The following TLE4 variants were observed in gnomAD, a reference collection of about 807,000 sequenced individuals.
TLE4 encodes the protein transducin-like enhancer protein 4.
In TLE4, 8 loss-of-function variants were observed where a neutral mutation model predicts 92.8. The observed-to-expected ratio is 0.09, with a 90% CI of 0.05 to 0.16. TLE4 has a LOEUF of 0.16. TLE4 is among the 10% of genes least tolerant of loss of function. The pLI is 1.00. For synonymous variants in TLE4, 371 were observed against 374.1 expected, an observed-to-expected ratio of 0.99 and a Z score of 0.10; for missense variants, 675 against 997.6, an observed-to-expected ratio of 0.68 and a Z score of 4.36.
intron 4 of TLE4, among the ~76,000 whole-genome samples, chr9:79,606,398 T>C (rs184527958): frequency 1.3e-5 from 2 of 150,466 alleles, no homozygotes; most frequent in African/African-American, 4.9e-5. Context: ...TTAAATACTT[T>C]TTAAGTTCTA....
At chr9:79,716,780 A>G (rs1014554342) in intron 14 of TLE4, among the ~76,000 whole-genome samples, 3 of 152,162 alleles carry the variant, frequency 2.0e-5, no homozygotes, top group African/African-American at 7.2e-5. Flanking sequence ...TGCACTGACC[A>G]TCTGACATTT....
chr9:79,679,329 G>A (rs2063940750), intron 8 of TLE4, among the ~76,000 whole-genome samples: 2 of 151,932 alleles, frequency 1.3e-5, no homozygotes, highest in African/African-American at 4.8e-5. Flanking sequence ...GTGTGAGATG[G>A]TATCTCATTG....
At chr9:79,686,513 C>T (rs1216342234) in intron 8 of TLE4, among the ~76,000 whole-genome samples, 3 of 152,092 alleles carry the variant, frequency 2.0e-5, no homozygotes, top group African/African-American at 7.2e-5. Flanking sequence ...ATCAAGTTGG[C>T]CCTGCATCCA....
chr9:79,664,266 C>T (rs1036030153), intron 8 of TLE4, among the ~76,000 whole-genome samples: 4 of 152,152 alleles, frequency 2.6e-5, no homozygotes, highest in African/African-American at 7.2e-5. Context: ...CTTTCTGGTG[C>T]ATGGGGAAAT....
chr9:79,686,950 C>T (rs992672195), intron 8 of TLE4, among the ~76,000 whole-genome samples: 10 of 152,186 alleles, frequency 6.6e-5, no homozygotes, highest in African/African-American at 2.4e-4. Flanking sequence ...CAGAACTGTA[C>T]ATGTTAAAAG....
At chr9:79,719,123 G>A (rs766396847) in intron 15 of TLE4, 152 bp downstream of exon 15, 32 of 1,208,554 alleles carry the variant, frequency 2.6e-5, no homozygotes, top group Non-Finnish European at 3.6e-5. Flanking sequence ...TTGGAGGTGT[G>A]TCTTTTGCTT....
rs1039895579 is a variant in TLE4 at position 79,725,276 on chromosome 9, C to T, written c.*132C>T. On this transcript the variant is annotated 3_prime_UTR_variant, in exon 20 of 20. Coordinates refer to ENST00000376552, the MANE Select transcript of TLE4 (RefSeq NM_007005.6). ...TCATTGCAGTTGTGGAGTTTAATCC[C>T]CTTTCTTAACCTCACTTCCCACTTG... is the stretch of plus-strand genomic sequence containing the variant. 4 of 599,520 alleles carry T rather than the reference C, an allele frequency of 6.7e-6. No individual in the cohort carries two copies. The highest frequency in any genetic ancestry group is 5.6e-5 in the African/African-American group (3 of 53,628). The allele number at this position is 599,520 out of a possible 1,614,324, so 37.1% of individuals were successfully genotyped here.
intron 17 of TLE4, 34 bp downstream of exon 17, chr9:79,721,922 G>A (rs764727375): frequency 2.6e-5 from 42 of 1,594,024 alleles, no homozygotes; most frequent in Middle Eastern, 1.7e-4. Context: ...TTAAAGATAC[G>A]GTTTTAGGCT....
intron 6 of TLE4, 113 bp from the exon 7 acceptor site, chr9:79,652,480 C>A (rs1241808633): frequency 1.7e-6 from 2 of 1,210,204 alleles, no homozygotes; most frequent in Non-Finnish European, 2.4e-6. Context: ...AGCCACCGTG[C>A]CCAGCCGGTG....
At chr9:79,649,100 G>A (rs1279936050) in intron 6 of TLE4, among the ~76,000 whole-genome samples, 1 of 152,168 alleles carries the variant, frequency 6.6e-6, no homozygotes. Flanking sequence ...GCTCAGTCAC[G>A]TGTGAGTGGT....
intron 8 of TLE4, among the ~76,000 whole-genome samples, chr9:79,662,210 A>G (rs2060629537): frequency 6.6e-6 from 1 of 152,214 alleles, no homozygotes. Flanking sequence ...ATTCTTTTTC[A>G]TGGAAATGGA....
At chr9:79,696,529 C>T (rs72734333) in intron 8 of TLE4, among the ~76,000 whole-genome samples, 26,919 of 151,624 alleles carry the variant, frequency 0.18, 2,643 homozygotes, top group African/African-American at 0.26. Context: ...GTTGTATTAC[C>T]CTCAGACATT....
At chr9:79,691,060 A>C (rs1056178477) in intron 8 of TLE4, among the ~76,000 whole-genome samples, 1 of 152,112 alleles carries the variant, frequency 6.6e-6, no homozygotes, top group African/African-American at 2.4e-5. Flanking sequence ...ATTTGTGTGA[A>C]GTGAGTCACT....
In TLE4 at chr9:79,649,923, GTTTTTTT is replaced by G. The variant is rs368464088; in HGVS notation, c.391-2666_391-2660del. 14 of 1,199,388 alleles carry G rather than the reference GTTTTTTT, an allele frequency of 1.2e-5. No individual in the cohort carries two copies. In the East Asian group the frequency reaches 5.7e-4, roughly 49 times the overall value. The allele number at this position is 1,199,388 out of a possible 1,614,324, so 74.3% of individuals were successfully genotyped here. Reference sequence around the variant, plus strand: ...GTTGTTTTTTTGTTTTTTGTTTTTTGTTTTTTTTTTGAGACAGGGTTTCACTCTGTCA... The same window carrying G: ...GTTGTTTTTTTGTTTTTTGTTTTTTGTTTGAGACAGGGTTTCACTCTGTCA... On this transcript the variant is annotated intron_variant, in intron 6 of 19. Coordinates refer to ENST00000376552, the MANE Select transcript of TLE4 (RefSeq NM_007005.6).
rs181394169 is a variant in TLE4 at position 79,613,015 on chromosome 9, T to C, written c.315+297T>C. 2.3e-3 allele frequency among the ~76,000 whole-genome samples: 357 copies of C among 152,248 alleles called. 1 individual carries two copies. Among genetic ancestry groups the C allele is most frequent in the African/African-American group, 8.3e-3 (346 of 41,564 alleles). On this transcript the variant is annotated intron_variant, in intron 5 of 19. Coordinates refer to ENST00000376552, the MANE Select transcript of TLE4 (RefSeq NM_007005.6). ...TCAGAATTATGCTTGTTTGTCATAA[T>C]GGTACCTAATAGGGTAGACTGAAAA...
intron 6 of TLE4, among the ~76,000 whole-genome samples, chr9:79,651,908 A>G (rs955390647): frequency 6.6e-6 from 1 of 152,102 alleles, no homozygotes; most frequent in African/African-American, 2.4e-5. Flanking sequence ...ACTCACGTAT[A>G]TGTTTTGATT....
chr9:79,576,506 G>A (rs2037822381), intron 4 of TLE4: 1 of 180,102 alleles, frequency 5.6e-6, no homozygotes, highest in East Asian at 1.3e-4. Context: ...TTGCAAACTT[G>A]TCTTGTGAAA....
intron 5 of TLE4, among the ~76,000 whole-genome samples, chr9:79,619,251 T>C (rs538622914): frequency 6.6e-6 from 1 of 152,352 alleles, no homozygotes; most frequent in South Asian, 2.1e-4. Flanking sequence ...ATTTGGTCCA[T>C]GTAATTTGAT....
chr9:79,613,806 T>C (rs1394636253), intron 5 of TLE4, among the ~76,000 whole-genome samples: 1 of 152,152 alleles, frequency 6.6e-6, no homozygotes, highest in Non-Finnish European at 1.5e-5. Flanking sequence ...ATGATTTTTT[T>C]CTTTGGTCTG....
Sources: gnomAD v4.1 joint callset for allele counts (sites outside exome capture counted in the v4.1 genomes callset) on GRCh38, gnomAD v4.1.1 for gene constraint, MANE v1.5 for transcripts, NCBI Gene and HGNC (gene_info 2026-07-23, HGNC 2026-07-21) for gene names.